EPB41L5: variants seen among roughly 807,000 people sequenced by gnomAD.
EPB41L5 encodes erythrocyte membrane protein band 4.1 like 5, also known as band 4.1-like protein 5.
Under a neutral mutation model 106.6 loss-of-function variants are expected in EPB41L5, and 55 were observed. The ratio of observed to expected loss-of-function variants is 0.52; its 90% CI spans 0.42 to 0.65. The LOEUF is 0.65. Ranked by LOEUF, EPB41L5 falls within the 30% of genes least tolerant of loss-of-function variation. EPB41L5 has a pLI of 0.00. For missense variants in EPB41L5, 871 were observed against 882.1 expected, an observed-to-expected ratio of 0.99 and a Z score of 0.16; for synonymous variants, 297 against 306.7, an observed-to-expected ratio of 0.97 and a Z score of 0.33.
chr2:120,046,141 G>T (rs111565951), intron 3 of EPB41L5, among the ~76,000 whole-genome samples: 62 of 152,324 alleles, frequency 4.1e-4, no homozygotes, highest in African/African-American at 1.4e-3. Context: ...CTTTATAGCA[G>T]CATGATGTAT....
At chr2:120,063,373 T>G (rs1018457907) in intron 3 of EPB41L5, among the ~76,000 whole-genome samples, 2 of 150,490 alleles carry the variant, frequency 1.3e-5, no homozygotes, top group African/African-American at 2.4e-5. Context: ...GAATTAAGTG[T>G]AAAAATGACC....
At chr2:120,018,028 C>G (rs1474918490) in intron 1 of EPB41L5, among the ~76,000 whole-genome samples, 2 of 150,312 alleles carry the variant, frequency 1.3e-5, no homozygotes, top group African/African-American at 4.9e-5. Context: ...GTGGCGCCAT[C>G]TCGGCTCACT....
intron 2 of EPB41L5, among the ~76,000 whole-genome samples, chr2:120,027,088 C>G (rs1316837784): frequency 6.6e-6 from 1 of 152,226 alleles, no homozygotes; most frequent in African/African-American, 2.4e-5. Context: ...CAAATCAGAA[C>G]TCTCAGACCC....
intron 18 of EPB41L5, among the ~76,000 whole-genome samples, chr2:120,142,757 G>A (rs1056501649): frequency 1.3e-5 from 2 of 152,178 alleles, no homozygotes; most frequent in Non-Finnish European, 2.9e-5. Flanking sequence ...TGGTTGGCCA[G>A]ATTTGCCCTT....
chr2:120,049,757 A>C (rs1020872111), intron 3 of EPB41L5, among the ~76,000 whole-genome samples: 26 of 152,110 alleles, frequency 1.7e-4, no homozygotes, highest in African/African-American at 3.6e-4. Flanking sequence ...TCTTCCTAGC[A>C]TCGATGGTCT....
At chr2:120,017,280 C>A (rs188303012) in intron 1 of EPB41L5, among the ~76,000 whole-genome samples, 1 of 152,318 alleles carries the variant, frequency 6.6e-6, no homozygotes, top group East Asian at 1.9e-4. Flanking sequence ...GGAATTAGCT[C>A]TTTCCATATC....
chr2:120,077,174 A>G (rs1682304926), intron 8 of EPB41L5, 55 bp from the exon 9 acceptor site: 1 of 1,583,984 alleles, frequency 6.3e-7, no homozygotes, highest in Non-Finnish European at 8.6e-7. Context: ...TATCCTTGGT[A>G]TAGAATTTAT....
intron 17 of EPB41L5, among the ~76,000 whole-genome samples, chr2:120,131,278 G>A (rs1459825703): frequency 3.3e-5 from 5 of 152,214 alleles, no homozygotes; most frequent in Admixed American, 2.6e-4. Flanking sequence ...TTGTGGTTAT[G>A]AAAGAAAAGG....
intron 24 of EPB41L5, among the ~76,000 whole-genome samples, chr2:120,169,258 T>TA: frequency 6.6e-6 from 1 of 152,330 alleles, no homozygotes; most frequent in African/African-American, 2.4e-5. Context: ...TTTCTTTTAG[T>TA]AAATCAGCTG....
At chr2:120,065,782 C>T (rs953722137) in intron 3 of EPB41L5, among the ~76,000 whole-genome samples, 6 of 152,152 alleles carry the variant, frequency 3.9e-5, no homozygotes, top group Non-Finnish European at 8.8e-5. Flanking sequence ...TCCCAAAGTG[C>T]TGGGATTGCA....
intron 14 of EPB41L5, among the ~76,000 whole-genome samples, chr2:120,096,077 A>G (rs891652917): frequency 6.6e-6 from 1 of 152,202 alleles, no homozygotes; most frequent in Non-Finnish European, 1.5e-5. Flanking sequence ...CCTGTTAAAG[A>G]TAAGATTCAG....
chr2:120,041,032 A>G (rs2105206476), intron 2 of EPB41L5, among the ~76,000 whole-genome samples: 1 of 152,346 alleles, frequency 6.6e-6, no homozygotes, highest in East Asian at 1.9e-4. Context: ...CAATAGTTAC[A>G]GTATTAGAAA....
chr2:120,091,237 A>G (rs1408683590), intron 12 of EPB41L5, among the ~76,000 whole-genome samples: 1 of 152,252 alleles, frequency 6.6e-6, no homozygotes, highest in Non-Finnish European at 1.5e-5. Flanking sequence ...TTTTAATTAC[A>G]CACTTTGCAC....
chr2:120,107,951 A>G (rs116213584), intron 16 of EPB41L5, among the ~76,000 whole-genome samples: 3,028 of 152,302 alleles, frequency 0.02, 47 homozygotes, highest in Non-Finnish European at 0.031. Flanking sequence ...AGGGAAATAC[A>G]TAGTGTCTTT....
chr2:120,024,348 C>T (rs576340763), intron 2 of EPB41L5, among the ~76,000 whole-genome samples: 4 of 152,266 alleles, frequency 2.6e-5, no homozygotes, highest in South Asian at 2.1e-4. Flanking sequence ...TTTTAAGATA[C>T]GTTCCATCAA....
rs1684492556 is a variant in EPB41L5, at chr2:120,106,994, C to T, written c.1337+6180C>T. The T allele has an allele frequency of 4.8e-6, 4 of 830,292 alleles. No homozygotes were observed. In the South Asian group the frequency reaches 2.2e-4, roughly 46 times the overall value. 51.4% of individuals were successfully genotyped at this position (830,292 alleles called of 1,614,324 possible). On this transcript the variant is annotated intron_variant, in intron 16 of 24. Coordinates refer to ENST00000263713, the MANE Select transcript of EPB41L5 (RefSeq NM_020909.4). ...ATTGTAATACCAGTATAATTCAAAT[C>T]ATCTTTTTTTTTTTGGAGGGGAGTT...
intron 16 of EPB41L5, chr2:120,105,493 A>G (rs2121263): frequency 0.7 from 686,412 of 984,660 alleles, 242,704 homozygotes; most frequent in Middle Eastern, 0.73. Flanking sequence ...ATACTGGACT[A>G]TTGGTTTAAT....
At chr2:120,092,614 C>T (rs1360346150) in intron 13 of EPB41L5, among the ~76,000 whole-genome samples, 2 of 152,118 alleles carry the variant, frequency 1.3e-5, no homozygotes, top group Admixed American at 6.5e-5. Context: ...AGAGTCATCA[C>T]CAGTTGTCCA....
chr2:120,105,396 T>C, intron 16 of EPB41L5: 3 of 982,072 alleles, frequency 3.1e-6, no homozygotes, highest in Non-Finnish European at 3.6e-6. Flanking sequence ...ACAGCTTAAC[T>C]CATTTAATGC....
Sources: allele counts gnomAD v4.1 joint callset (sites outside exome capture counted in the v4.1 genomes callset), GRCh38; gene constraint gnomAD v4.1.1; transcripts MANE v1.5; gene names NCBI Gene and HGNC (gene_info 2026-07-23, HGNC 2026-07-21).